MYO6: variants seen among roughly 807,000 people sequenced by gnomAD.
MYO6 encodes the protein unconventional myosin-VI.
Under a neutral mutation model 178.7 loss-of-function variants are expected in MYO6, and 74 were observed. That is an observed-to-expected ratio of 0.41 (90% CI 0.34 to 0.50). The LOEUF (loss-of-function observed/expected upper bound fraction) is 0.50. Among genes scored for constraint, MYO6 ranks in the 20% least tolerant of loss-of-function variants. The pLI, the probability that MYO6 is intolerant of heterozygous loss-of-function variation, is 0.09. For synonymous variants in MYO6, 477 were observed against 504.6 expected (o/e 0.95, Z 0.73); for missense variants, 1,330 against 1,547.4 (o/e 0.86, Z 2.36).
At chr6:75,885,491 C>T (rs1484500773) in intron 23 of MYO6, among the ~76,000 whole-genome samples, 1 of 151,920 alleles carries the variant, frequency 6.6e-6, no homozygotes, top group African/African-American at 2.4e-5. Context: ...CTGTGTCACC[C>T]AGGCCGGAGT....
rs1319318720 is a variant in MYO6 at position 75,893,871 on chromosome 6, C to T, written c.3107+1181C>T. ...TCACTGTAATTAAAATATTTTGGCCCAGATAGGGCTTTTATAAATGCAGAC... is the reference window on the plus strand; with the variant it reads ...TCACTGTAATTAAAATATTTTGGCCTAGATAGGGCTTTTATAAATGCAGAC... On this transcript the variant is annotated intron_variant, in intron 28 of 34. Transcript: ENST00000369977. Among the ~76,000 whole-genome samples, 14 of 152,238 alleles carry T rather than the reference C, an allele frequency of 9.2e-5. No homozygotes were observed. In the East Asian group the frequency reaches 2.7e-3, roughly 29 times the overall value.
At chr6:75,854,275 C>CTTTTTTTTTTTTTTTTT (rs61398235) in intron 11 of MYO6, among the ~76,000 whole-genome samples, 5 of 45,498 alleles carry the variant, frequency 1.1e-4, no homozygotes, top group Admixed American at 3.9e-4. Flanking sequence ...AACTGCATTG[C>CTTTTTTTTTTTTTTTTT]TTTTTTTTTT....
At chr6:75,775,186 T>C (rs1766258781) in intron 1 of MYO6, among the ~76,000 whole-genome samples, 1 of 152,198 alleles carries the variant, frequency 6.6e-6, no homozygotes, top group Non-Finnish European at 1.5e-5. Context: ...GTAGTCCCAA[T>C]AGTACAGTGA....
chr6:75,890,040 T>A lies in MYO6; in HGVS notation c.2659-17T>A. ...AGAAATAAGCTTTTACGTACCTATT[T>A]ATTTTATTTTTTAAAGTCCACTATG... On this transcript the variant is annotated splice_polypyrimidine_tract_variant and intron_variant, in intron 25 of 34. Coordinates refer to ENST00000369977, the MANE Select transcript of MYO6 (RefSeq NM_004999.4). 1 of 1,559,720 alleles carries A rather than the reference T, an allele frequency of 6.4e-7. No individual in the cohort carries two copies. Among genetic ancestry groups the A allele is most frequent in the Non-Finnish European group, 8.8e-7 (1 of 1,131,194 alleles).
chr6:75,865,764 T>C (rs995017863), intron 16 of MYO6, among the ~76,000 whole-genome samples: 1 of 152,178 alleles, frequency 6.6e-6, no homozygotes, highest in African/African-American at 2.4e-5. Flanking sequence ...TGAGATATTA[T>C]GATTAAATGG....
At chr6:75,769,625 G>A (rs1221784706) in intron 1 of MYO6, among the ~76,000 whole-genome samples, 1 of 152,232 alleles carries the variant, frequency 6.6e-6, no homozygotes, top group African/African-American at 2.4e-5. Context: ...GAGTAGGCTG[G>A]GCGTGGTGGC....
At chr6:75,862,956 T>C (rs1776326911) in intron 16 of MYO6, among the ~76,000 whole-genome samples, 1 of 152,156 alleles carries the variant, frequency 6.6e-6, no homozygotes, top group Admixed American at 6.5e-5. Flanking sequence ...GTCTAATACG[T>C]ACAATGTGCC....
chr6:75,879,579 A>G (rs187160518), intron 20 of MYO6, among the ~76,000 whole-genome samples: 1 of 152,308 alleles, frequency 6.6e-6, no homozygotes, highest in East Asian at 1.9e-4. Flanking sequence ...TCTAGAGACC[A>G]ATAATTTGCC....
At chr6:75,887,804 T>C (rs796979109) in intron 25 of MYO6, among the ~76,000 whole-genome samples, 18 of 144,684 alleles carry the variant, frequency 1.2e-4, no homozygotes, top group African/African-American at 4.1e-4. Flanking sequence ...AAACCTTGTC[T>C]CTACTAAAAA....
chr6:75,812,804 A>G (rs968036295), intron 1 of MYO6, among the ~76,000 whole-genome samples: 5 of 151,954 alleles, frequency 3.3e-5, no homozygotes, highest in African/African-American at 1.2e-4. Flanking sequence ...GCTGAATAAT[A>G]CTCCACTGTA....
chr6:75,822,928 A>G, intron 3 of MYO6, 77 bp downstream of exon 3: 1 of 1,123,534 alleles, frequency 8.9e-7, no homozygotes, highest in South Asian at 1.2e-5. Context: ...TAGTGGTTAT[A>G]TAACTGATAC....
At chr6:75,797,237 GCAC>G (rs1465289598) in intron 1 of MYO6, among the ~76,000 whole-genome samples, 1 of 152,066 alleles carries the variant, frequency 6.6e-6, no homozygotes, top group Non-Finnish European at 1.5e-5. Flanking sequence ...TTACAGGCAT[GCAC>G]CACCATGCTT....
intron 1 of MYO6, among the ~76,000 whole-genome samples, chr6:75,766,216 G>C (rs1053420793): frequency 6.6e-6 from 1 of 152,082 alleles, no homozygotes; most frequent in Non-Finnish European, 1.5e-5. Context: ...CCAGCTACGT[G>C]GGAGGCTGAG....
chr6:75,836,727 C>T lies in MYO6; in HGVS notation c.553+771C>T, dbSNP rs368535772. Reference sequence around the variant, plus strand: ...CCTCCCGAGTAGCTGGGATTACAGGCGCCCACCACCACATCTGGCTAATTT... The same window carrying T: ...CCTCCCGAGTAGCTGGGATTACAGGTGCCCACCACCACATCTGGCTAATTT... On this transcript the variant is annotated intron_variant, in intron 7 of 34. Coordinates refer to ENST00000369977, the MANE Select transcript of MYO6 (RefSeq NM_004999.4). Among the ~76,000 whole-genome samples the T allele has an allele frequency of 4.0e-5, 6 of 151,674 alleles. No homozygotes were observed. The East Asian group carries it at 5.8e-4, about 15-fold the overall frequency.
intron 1 of MYO6, among the ~76,000 whole-genome samples, chr6:75,750,206 T>G (rs1445607176): frequency 2.0e-5 from 3 of 151,784 alleles, no homozygotes; most frequent in Non-Finnish European, 4.4e-5. Context: ...AGCAATTCTC[T>G]GCCACAGCCT....
In MYO6 at chr6:75,866,641, G is replaced by A; in HGVS notation, c.1770+20G>A. On this transcript the variant is annotated intron_variant, in intron 17 of 34. Transcript: ENST00000369977. ...GAAACAGTGAGTATAACTTTTACAAGGAGAAAACCATTTCATGTTGAAGCT... is the reference window on the plus strand; with the variant it reads ...GAAACAGTGAGTATAACTTTTACAAAGAGAAAACCATTTCATGTTGAAGCT... The A allele has an allele frequency of 6.3e-7, 1 of 1,586,572 alleles. No individual in the cohort carries two copies. The highest frequency in any genetic ancestry group is 8.7e-7 in the Non-Finnish European group (1 of 1,154,882).
intron 1 of MYO6, among the ~76,000 whole-genome samples, chr6:75,752,986 G>T (rs139947404): frequency 1.3e-5 from 2 of 152,068 alleles, no homozygotes; most frequent in African/African-American, 4.8e-5. Flanking sequence ...ATCTTGAGAG[G>T]GGGGACTCGT....
chr6:75,918,767 T>A lies in MYO6; in HGVS notation c.*3755T>A, dbSNP rs1319583654. 1 of 152,206 alleles carries A rather than the reference T, an allele frequency of 6.6e-6. No homozygotes were observed. The highest frequency in any genetic ancestry group is 1.5e-5 in the Non-Finnish European group (1 of 68,034). 9.4% of individuals were successfully genotyped at this position (152,206 alleles called of 1,614,324 possible). On this transcript the variant is annotated 3_prime_UTR_variant, in exon 35 of 35. Coordinates refer to ENST00000369977, the MANE Select transcript of MYO6 (RefSeq NM_004999.4). ...GTCTCAGAAGTTTTTCAAGAGATGATCAGGAAAAATTAATGCACATTCAAA... is the reference window on the plus strand; with the variant it reads ...GTCTCAGAAGTTTTTCAAGAGATGAACAGGAAAAATTAATGCACATTCAAA...
At chr6:75,886,669 G>A (rs1778461931) in intron 24 of MYO6, among the ~76,000 whole-genome samples, 175 bp from the exon 25 acceptor site, 2 of 152,144 alleles carry the variant, frequency 1.3e-5, no homozygotes. Context: ...AGGCATCAGT[G>A]TCATTCACAC....
Sources: allele counts gnomAD v4.1 joint callset (sites outside exome capture counted in the v4.1 genomes callset), GRCh38; gene constraint gnomAD v4.1.1; transcripts MANE v1.5; gene names NCBI Gene and HGNC (gene_info 2026-07-23, HGNC 2026-07-21).